NWD1: variants seen among roughly 807,000 people sequenced by gnomAD.
The protein encoded by NWD1 is NACHT domain- and WD repeat-containing protein 1.
A neutral mutation model predicts 135.1 loss-of-function variants in NWD1; 129 were observed. The observed-to-expected ratio is 0.96, with a 90% CI of 0.83 to 1.11. NWD1 has a LOEUF of 1.11. Ranked by LOEUF, NWD1 falls within the 50% of genes least tolerant of loss-of-function variation. NWD1 has a pLI of 0.00. For synonymous variants in NWD1, 773 were observed against 786.0 expected, an observed-to-expected ratio of 0.98 and a Z score of 0.28; for missense variants, 1,740 against 1,851.3, an observed-to-expected ratio of 0.94 and a Z score of 1.10.
intron 18 of NWD1, chr19:16,812,695 C>G: frequency 1.3e-6 from 1 of 779,450 alleles, no homozygotes; most frequent in South Asian, 1.3e-5. Context: ...AACAAACAAA[C>G]AAACAAAAAA....
At chr19:16,737,413 C>T (rs533629929) in intron 4 of NWD1, among the ~76,000 whole-genome samples, 25 of 152,062 alleles carry the variant, frequency 1.6e-4, no homozygotes, top group Middle Eastern at 3.4e-3. Flanking sequence ...AGGTGTGTGC[C>T]GCCACAGTTG....
At chr19:16,745,970 A>G (rs576349875) in intron 5 of NWD1, among the ~76,000 whole-genome samples, 1 of 152,162 alleles carries the variant, frequency 6.6e-6, no homozygotes, top group Non-Finnish European at 1.5e-5. Context: ...TGAACAACAT[A>G]GTGTTTAGGG....
rs138260307 is a variant in NWD1, at chr19:16,814,548, C to T, written c.4288-480C>T. ...AATAAATATCAGGTGGAGCCTACTA[C>T]ATTGTAGTTGAATACACTGTAATCT... On this transcript the variant is annotated intron_variant, in intron 18 of 18. Coordinates refer to ENST00000524140, the MANE Select transcript of NWD1 (RefSeq NM_001007525.5). Among the ~76,000 whole-genome samples the T allele has an allele frequency of 3.8e-4, 58 of 152,314 alleles. No individual in the cohort carries two copies. The Middle Eastern group carries it at 0.024, about 63-fold the overall frequency.
At chr19:16,755,688 T>TTATTTATTTATTTATA (rs1248914850) in intron 6 of NWD1, among the ~76,000 whole-genome samples, 1 of 17,358 alleles carries the variant, frequency 5.8e-5, no homozygotes, top group Non-Finnish European at 1.1e-4. Flanking sequence ...ACATCCAGCC[T>TTATTTATTTATTTATA]TATTTATTTA....
intron 4 of NWD1, among the ~76,000 whole-genome samples, chr19:16,744,127 G>C (rs535881979): frequency 6.6e-6 from 1 of 152,134 alleles, no homozygotes; most frequent in Non-Finnish European, 1.5e-5. Flanking sequence ...AGTGGCTCAC[G>C]ACAGTAATCC....
At position 16,749,992 on chromosome 19, in the gene NWD1, G is replaced by A. The variant is rs576075443; in HGVS notation, c.1350G>A (p.Arg450=). The change falls in exon 6 of 19, where the codon AGG becomes AGA. Residue 450 remains arginine, a synonymous_variant. Coordinates refer to ENST00000524140, the MANE Select transcript of NWD1 (RefSeq NM_001007525.5). ...DDLDSVRHAR[R]VPWLPLNCPP... is the part of the protein sequence containing the mutation. The stretch of plus-strand genomic sequence containing the variant: ...TGGACTCTGTCCGCCATGCTCGGAG[G>A]GTTCCCTGGCTGCCTCTCAACTGCC... 6.2e-7 allele frequency: 1 copy of A among 1,613,874 alleles called. No homozygotes were observed.
In NWD1 at chr19:16,750,021, C is replaced by T. The variant is rs545091256; in HGVS notation, c.1379C>T (p.Pro460Leu). 3.5e-5 allele frequency: 57 copies of T among 1,613,874 alleles called. No individual in the cohort carries two copies. The highest frequency in any genetic ancestry group is 2.5e-4 in the South Asian group (23 of 91,066). The stretch of plus-strand genomic sequence containing the variant: ...CCCTGGCTGCCTCTCAACTGCCCCC[C>T]GAGGGTGCACCTCATCCTCTCAGCT... ...RVPWLPLNCP[P>L]RVHLILSACS... is the part of the protein sequence containing the mutation. Residue 460 changes from proline to leucine, a missense_variant, in exon 6 of 19, where the codon CCG becomes CTG. Transcript: ENST00000524140.
At chr19:16,729,822 T>C (rs1461985937) in intron 2 of NWD1, among the ~76,000 whole-genome samples, 5 of 150,808 alleles carry the variant, frequency 3.3e-5, no homozygotes, top group African/African-American at 1.2e-4. Context: ...TGAGCCGAGA[T>C]TGTGCCACTG....
At chr19:16,725,246 C>G (rs1308884824) in intron 2 of NWD1, among the ~76,000 whole-genome samples, 1 of 151,844 alleles carries the variant, frequency 6.6e-6, no homozygotes, top group Non-Finnish European at 1.5e-5. Flanking sequence ...TCAAATGATT[C>G]GCCTGTCTTG....
chr19:16,750,594 C>T (rs547516223), intron 6 of NWD1, among the ~76,000 whole-genome samples, 183 bp downstream of exon 6: 9 of 149,994 alleles, frequency 6.0e-5, no homozygotes, highest in South Asian at 2.1e-4. Context: ...GCTGGGACTA[C>T]GGGCATGCAC....
At chr19:16,771,945 G>A (rs900324596) in intron 10 of NWD1, among the ~76,000 whole-genome samples, 2 of 151,004 alleles carry the variant, frequency 1.3e-5, no homozygotes, top group African/African-American at 2.4e-5. Flanking sequence ...ACAGGCCTGC[G>A]CGCCACCATG....
intron 10 of NWD1, among the ~76,000 whole-genome samples, chr19:16,772,922 A>T (rs1455146855): frequency 4.6e-5 from 7 of 152,098 alleles, no homozygotes; most frequent in African/African-American, 4.8e-5. Context: ...AAGGCTGGAG[A>T]CTGGAAACAG....
At chr19:16,754,805 T>C (rs1192494758) in intron 6 of NWD1, among the ~76,000 whole-genome samples, 1 of 151,432 alleles carries the variant, frequency 6.6e-6, no homozygotes, top group Non-Finnish European at 1.5e-5. Context: ...CATCCATCCA[T>C]CCATCCATCC....
At chr19:16,728,411 A>T (rs1487734292) in intron 2 of NWD1, among the ~76,000 whole-genome samples, 3 of 150,728 alleles carry the variant, frequency 2.0e-5, no homozygotes, top group Non-Finnish European at 4.4e-5. Context: ...CAGCCTCCTG[A>T]GCAGCTGAGA....
chr19:16,778,750 C>G (rs191111513), intron 11 of NWD1, among the ~76,000 whole-genome samples: 7 of 152,246 alleles, frequency 4.6e-5, no homozygotes, highest in African/African-American at 1.7e-4. Context: ...CTCAAGTGAT[C>G]CGCCCACCTC....
intron 14 of NWD1, among the ~76,000 whole-genome samples, chr19:16,792,754 G>T (rs1970289945): frequency 6.6e-6 from 1 of 151,584 alleles, no homozygotes; most frequent in Non-Finnish European, 1.5e-5. Flanking sequence ...GTGGGTGCCT[G>T]TGATCCCTGC....
At chr19:16,744,314 C>A in intron 4 of NWD1, 107 bp from the exon 5 acceptor site, 3 of 861,606 alleles carry the variant, frequency 3.5e-6, no homozygotes, top group Non-Finnish European at 5.4e-6. Flanking sequence ...GAGGTTGAGG[C>A]TGCAGTGAGC....
At chr19:16,785,773 AAT>A (rs1970018632) in intron 12 of NWD1, among the ~76,000 whole-genome samples, 1 of 147,942 alleles carries the variant, frequency 6.8e-6, no homozygotes, top group African/African-American at 2.5e-5. Flanking sequence ...TACAAAAACA[AAT>A]ATATACATAA....
At chr19:16,748,383 G>C (rs1353811732) in intron 5 of NWD1, among the ~76,000 whole-genome samples, 4 of 152,112 alleles carry the variant, frequency 2.6e-5, no homozygotes, top group Admixed American at 2.0e-4. Context: ...CTGTTTTCAG[G>C]TATTTTCAGC....
Sources: allele counts gnomAD v4.1 joint callset (sites outside exome capture counted in the v4.1 genomes callset), GRCh38; gene constraint gnomAD v4.1.1; transcripts MANE v1.5; gene names NCBI Gene and HGNC (gene_info 2026-07-23, HGNC 2026-07-21).